The following LAMA2 variants were observed in gnomAD, a reference collection of about 807,000 sequenced individuals.
LAMA2 encodes the protein laminin subunit alpha-2.
In LAMA2, 269 loss-of-function variants were observed where a neutral mutation model predicts 364.8. That is an observed-to-expected ratio of 0.74 (90% CI 0.67 to 0.82). The LOEUF is 0.82. LAMA2 is among the 40% of genes least tolerant of loss of function. The pLI, the probability that LAMA2 is intolerant of heterozygous loss-of-function variation, is 0.00. For synonymous variants in LAMA2, 1,379 were observed against 1,370.6 expected (o/e 1.01, Z -0.14); for missense variants, 3,807 against 3,873.2 (o/e 0.98, Z 0.45).
intron 35 of LAMA2, among the ~76,000 whole-genome samples, chr6:129,391,189 T>A (rs187931927): frequency 6.6e-6 from 1 of 152,324 alleles, no homozygotes; most frequent in East Asian, 1.9e-4. Flanking sequence ...CTGTTTTTTT[T>A]AAACTCTTAC....
intron 40 of LAMA2, among the ~76,000 whole-genome samples, chr6:129,414,026 G>T (rs1236766792): frequency 6.6e-6 from 1 of 151,852 alleles, no homozygotes; most frequent in Non-Finnish European, 1.5e-5. Context: ...ATAGGATCAA[G>T]AATGAAAAGG....
intron 12 of LAMA2, among the ~76,000 whole-genome samples, chr6:129,230,998 G>A (rs912738940): frequency 6.6e-6 from 1 of 152,042 alleles, no homozygotes; most frequent in Non-Finnish European, 1.5e-5. Flanking sequence ...AGGTAAAGTG[G>A]TACAGTACAC....
At chr6:129,355,200 T>A (rs1278737579) in intron 32 of LAMA2, among the ~76,000 whole-genome samples, 3 of 152,218 alleles carry the variant, frequency 2.0e-5, no homozygotes, top group African/African-American at 7.2e-5. Flanking sequence ...AGATTTTCCA[T>A]ATACTGCTCT....
chr6:129,318,648 T>G (rs1008019061), intron 27 of LAMA2, among the ~76,000 whole-genome samples: 1 of 150,604 alleles, frequency 6.6e-6, no homozygotes, highest in Non-Finnish European at 1.5e-5. Context: ...AGAAGGGGAG[T>G]GGTTTGCTTA....
At chr6:129,449,537 C>T (rs975238551) in intron 45 of LAMA2, among the ~76,000 whole-genome samples, 1 of 152,152 alleles carries the variant, frequency 6.6e-6, no homozygotes, top group African/African-American at 2.4e-5. Context: ...AACACTGTTG[C>T]ACTGAGGATT....
chr6:129,366,768 A>T (rs1406547992), intron 33 of LAMA2, among the ~76,000 whole-genome samples: 1 of 152,242 alleles, frequency 6.6e-6, no homozygotes, highest in Non-Finnish European at 1.5e-5. Flanking sequence ...TGCTTGCAAC[A>T]AGAATAGGAT....
At chr6:129,386,250 T>C (rs1779008937) in intron 35 of LAMA2, among the ~76,000 whole-genome samples, 1 of 152,104 alleles carries the variant, frequency 6.6e-6, no homozygotes, top group East Asian at 1.9e-4. Flanking sequence ...ATTGAAGTGA[T>C]AGTGCATACT....
chr6:128,971,584 T>C (rs80214430), intron 1 of LAMA2, among the ~76,000 whole-genome samples: 10,633 of 151,906 alleles, frequency 0.07, 451 homozygotes, highest in South Asian at 0.12. Context: ...CCAGGCAGAG[T>C]GTCTAGAAGC....
At chr6:129,316,255 A>G (rs1046570235) in intron 27 of LAMA2, 84 bp downstream of exon 27, 22 of 1,128,680 alleles carry the variant, frequency 1.9e-5, no homozygotes, top group Middle Eastern at 2.9e-4. Context: ...GATAAGAAAG[A>G]TTGGAAAGTG....
At chr6:129,124,964 C>T (rs1287762954) in intron 4 of LAMA2, among the ~76,000 whole-genome samples, 1 of 152,248 alleles carries the variant, frequency 6.6e-6, no homozygotes, top group East Asian at 1.9e-4. Context: ...TTCACAGCAA[C>T]TCGGGACAAA....
chr6:129,037,462 C>T (rs1786721027), intron 1 of LAMA2, among the ~76,000 whole-genome samples: 2 of 152,082 alleles, frequency 1.3e-5, no homozygotes, highest in Admixed American at 1.3e-4. Context: ...AAGACTCCAG[C>T]TATCATCAGT....
Position 129,319,992 on chromosome 6 carries a change from G to A in LAMA2, c.4059-546G>A, listed in dbSNP as rs150582392. Among the ~76,000 whole-genome samples, 145 of 152,168 alleles carry A rather than the reference G, an allele frequency of 9.5e-4. 1 individual carries two copies. The highest frequency in any genetic ancestry group is 1.9e-3 in the Non-Finnish European group (126 of 67,988). On this transcript the variant is annotated intron_variant, in intron 27 of 64. Transcript: ENST00000421865. ...TACTAAAAATACAATAATTAGCTGG[G>A]CGTGGTGTTGCACACCTGTAATCCC...
chr6:129,427,922 C>G lies in LAMA2; in HGVS notation c.5968+68C>G, dbSNP rs1781405006. On this transcript the variant is annotated intron_variant, in intron 41 of 64. Transcript: ENST00000421865. The stretch of plus-strand genomic sequence containing the variant: ...TTGTTACTGATAAGATATTCTATCA[C>G]ACTATTGGAGAATGTAATTTCTTTA... 5 of 935,598 alleles carry G rather than the reference C, an allele frequency of 5.3e-6. No individual in the cohort carries two copies. In the Admixed American group the frequency reaches 8.6e-5, roughly 16 times the overall value. 58.0% of individuals were successfully genotyped at this position (935,598 alleles called of 1,614,324 possible).
chr6:128,960,996 T>TG (rs1781453178), intron 1 of LAMA2, among the ~76,000 whole-genome samples: 1 of 151,926 alleles, frequency 6.6e-6, no homozygotes, highest in Non-Finnish European at 1.5e-5. Flanking sequence ...AATTGTTAAA[T>TG]CTCTGTATGT....
chr6:129,004,828 T>C (rs1454792986), intron 1 of LAMA2, among the ~76,000 whole-genome samples: 1 of 151,458 alleles, frequency 6.6e-6, no homozygotes, highest in African/African-American at 2.4e-5. Context: ...TGATTCTTCA[T>C]AATATTCTAT....
At chr6:129,420,322 T>G (rs1227852342) in intron 40 of LAMA2, among the ~76,000 whole-genome samples, 1 of 152,146 alleles carries the variant, frequency 6.6e-6, no homozygotes, top group Non-Finnish European at 1.5e-5. Context: ...ATTCATAGTC[T>G]AACATACCAA....
chr6:129,315,726 T>G (rs1177665179), intron 25 of LAMA2, 36 bp from the exon 26 acceptor site: 2 of 1,611,890 alleles, frequency 1.2e-6, no homozygotes, highest in Non-Finnish European at 1.7e-6. Context: ...ATTTGGAGAT[T>G]TATCCAATTC....
chr6:129,418,972 T>C (rs1168378867), intron 40 of LAMA2, among the ~76,000 whole-genome samples: 1 of 152,142 alleles, frequency 6.6e-6, no homozygotes, highest in Non-Finnish European at 1.5e-5. Flanking sequence ...TTTAAAAATA[T>C]GCACTACCTC....
At chr6:128,977,072 T>A (rs1401095350) in intron 1 of LAMA2, among the ~76,000 whole-genome samples, 1 of 152,148 alleles carries the variant, frequency 6.6e-6, no homozygotes, top group Admixed American at 6.5e-5. Context: ...TCTGGCCTTT[T>A]TTCCTATGAG....
Sources: allele counts gnomAD v4.1 joint callset (sites outside exome capture counted in the v4.1 genomes callset), GRCh38; gene constraint gnomAD v4.1.1; transcripts MANE v1.5; gene names NCBI Gene and HGNC (gene_info 2026-07-23, HGNC 2026-07-21).